Variants in HECW2 observed in about 807,000 individuals in gnomAD.
HECW2 encodes the protein E3 ubiquitin-protein ligase HECW2.
Under a neutral mutation model 175.2 loss-of-function variants are expected in HECW2, and 61 were observed. That is an observed-to-expected ratio of 0.35 (90% CI 0.28 to 0.43). HECW2 has a LOEUF of 0.43. Ranked by LOEUF, HECW2 falls within the 20% of genes least tolerant of loss-of-function variation. The probability of loss-of-function intolerance (pLI) is 1.00; values close to 1 mark genes in which losing one functional copy is unlikely to be tolerated. For synonymous variants in HECW2, 671 were observed against 731.0 expected, an observed-to-expected ratio of 0.92 and a Z score of 1.32; for missense variants, 1,524 against 2,000.5, an observed-to-expected ratio of 0.76 and a Z score of 4.54.
intron 1 of HECW2, among the ~76,000 whole-genome samples, chr2:196,473,443 TA>T (rs1161902894): frequency 6.6e-6 from 1 of 152,182 alleles, no homozygotes; most frequent in Admixed American, 6.5e-5. Flanking sequence ...GTGCAAGGTC[TA>T]AAAAGTTTAA....
intron 1 of HECW2, among the ~76,000 whole-genome samples, chr2:196,527,808 C>T (rs974452705): frequency 6.6e-6 from 1 of 152,136 alleles, no homozygotes; most frequent in Non-Finnish European, 1.5e-5. Context: ...AAGGAGTCCA[C>T]TTGAAATTTT....
chr2:196,593,235 G>A (rs1222532156), intron 1 of HECW2, among the ~76,000 whole-genome samples: 1 of 151,518 alleles, frequency 6.6e-6, no homozygotes, highest in Non-Finnish European at 1.5e-5. Flanking sequence ...AGTCAGCAGC[G>A]GCAGCGGGGA....
At chr2:196,513,343 T>C (rs1414451767) in intron 1 of HECW2, among the ~76,000 whole-genome samples, 1 of 152,070 alleles carries the variant, frequency 6.6e-6, no homozygotes, top group Non-Finnish European at 1.5e-5. Flanking sequence ...ATGTCATCTC[T>C]ACAAAAAATA....
chr2:196,417,987 T>C (rs1452334504), intron 2 of HECW2, among the ~76,000 whole-genome samples: 1 of 152,258 alleles, frequency 6.6e-6, no homozygotes, highest in Non-Finnish European at 1.5e-5. Context: ...TGTTAGTTAA[T>C]TTAATGTAAA....
At chr2:196,256,996 A>G (rs1180756336) in intron 18 of HECW2, among the ~76,000 whole-genome samples, 1 of 152,248 alleles carries the variant, frequency 6.6e-6, no homozygotes, top group Non-Finnish European at 1.5e-5. Context: ...AGAATTAGAA[A>G]TGGTCAGGGT....
At chr2:196,237,399 T>C (rs1355288617) in intron 21 of HECW2, among the ~76,000 whole-genome samples, 4 of 152,218 alleles carry the variant, frequency 2.6e-5, no homozygotes, top group Admixed American at 2.0e-4. Flanking sequence ...TGCTTTTGTG[T>C]CCTCATAGCT....
intron 23 of HECW2, among the ~76,000 whole-genome samples, chr2:196,224,160 T>A (rs1483730809): frequency 6.6e-6 from 1 of 152,038 alleles, no homozygotes; most frequent in East Asian, 1.9e-4. Context: ...TGTTTAAGGG[T>A]GACTCCCAAT....
chr2:196,327,765 A>G (rs560263338), intron 5 of HECW2, among the ~76,000 whole-genome samples: 189 of 152,326 alleles, frequency 1.2e-3, no homozygotes, highest in African/African-American at 3.9e-3. Context: ...GAAATAAAAC[A>G]GATGTTAGGT....
At chr2:196,330,313 T>C (rs1692311642) in intron 4 of HECW2, among the ~76,000 whole-genome samples, 1 of 152,252 alleles carries the variant, frequency 6.6e-6, no homozygotes, top group South Asian at 2.1e-4. Flanking sequence ...TCTCAAATTA[T>C]GTACAATTAA....
chr2:196,416,254 C>G (rs1379253717), intron 2 of HECW2, among the ~76,000 whole-genome samples: 1 of 152,136 alleles, frequency 6.6e-6, no homozygotes, highest in Non-Finnish European at 1.5e-5. Flanking sequence ...TCACTCTCTC[C>G]TATGCCTAGG....
At chr2:196,463,070 C>G (rs1013417705) in intron 1 of HECW2, among the ~76,000 whole-genome samples, 42 of 152,278 alleles carry the variant, frequency 2.8e-4, no homozygotes, top group African/African-American at 9.9e-4. Context: ...CACTAAGTGG[C>G]AATTAGTCAT....
intron 26 of HECW2, chr2:196,218,213 G>T (rs1687543967): frequency 6.6e-6 from 1 of 152,152 alleles, no homozygotes; most frequent in Non-Finnish European, 1.5e-5. Flanking sequence ...CTTCCCTTTT[G>T]CTATTTGTGC....
chr2:196,315,185 T>C (rs1242809623), intron 10 of HECW2, among the ~76,000 whole-genome samples: 1 of 147,448 alleles, frequency 6.8e-6, no homozygotes, highest in East Asian at 2.0e-4. Flanking sequence ...TGTGTGTGTG[T>C]GTGTGCATAA....
chr2:196,451,741 A>G (rs1043136316), intron 1 of HECW2, among the ~76,000 whole-genome samples: 6 of 152,076 alleles, frequency 3.9e-5, no homozygotes, highest in Admixed American at 6.5e-5. Context: ...TCTACTAAAA[A>G]TACAAAAATT....
At position 196,335,721 on chromosome 2, in the gene HECW2, G is replaced by A. The variant is rs112592289; in HGVS notation, c.401-1203C>T. Among the ~76,000 whole-genome samples the A allele has an allele frequency of 9.9e-5, 15 of 152,194 alleles. 1 individual carries two copies. The highest frequency in any genetic ancestry group is 3.4e-4 in the African/African-American group (14 of 41,500). On this transcript the variant is annotated intron_variant, in intron 3 of 28. Transcript: ENST00000644978. ...CTCAAAAAAACAAAAGTTGTTATGG[G>A]GTAAAAATATTGAGTCCTTATATTA... is the stretch of plus-strand genomic sequence containing the variant.
intron 1 of HECW2, among the ~76,000 whole-genome samples, chr2:196,544,970 C>G (rs746333916): frequency 1.2e-4 from 18 of 152,218 alleles, no homozygotes; most frequent in Non-Finnish European, 2.1e-4. Flanking sequence ...GTAGACCCCT[C>G]TCAAGGGCAA....
chr2:196,322,679 C>G, intron 6 of HECW2, 59 bp from the exon 7 acceptor site: 2 of 1,446,824 alleles, frequency 1.4e-6, no homozygotes, highest in East Asian at 4.6e-5. Context: ...GATACTATAT[C>G]ATTTTATTTG....
intron 1 of HECW2, among the ~76,000 whole-genome samples, chr2:196,536,261 G>A (rs537841668): frequency 5.3e-5 from 8 of 152,248 alleles, no homozygotes; most frequent in Admixed American, 2.0e-4. Flanking sequence ...GGACCCTCTG[G>A]CTTTAAAGAA....
chr2:196,331,165 C>T (rs1692344316), intron 4 of HECW2: 3 of 985,448 alleles, frequency 3.0e-6, no homozygotes, highest in Non-Finnish European at 3.6e-6. Context: ...CTCTGCAACA[C>T]ACCAGGGTCC....
Sources: allele counts gnomAD v4.1 joint callset (sites outside exome capture counted in the v4.1 genomes callset), GRCh38; gene constraint gnomAD v4.1.1; transcripts MANE v1.5; gene names NCBI Gene and HGNC (gene_info 2026-07-23, HGNC 2026-07-21).